LAMA1: variants seen among roughly 807,000 people sequenced by gnomAD.
The protein encoded by LAMA1 is laminin subunit alpha-1.
LAMA1 carries 219 observed loss-of-function variants against 348.7 expected under a neutral mutation model. That is an observed-to-expected ratio of 0.63 (90% confidence interval 0.56 to 0.70). The LOEUF (loss-of-function observed/expected upper bound fraction) is 0.70, where lower values mean the gene tolerates loss of function less well. LAMA1 is among the 30% of genes least tolerant of loss of function. The probability of loss-of-function intolerance (pLI) is 0.00; values close to 1 mark genes in which losing one functional copy is unlikely to be tolerated. For synonymous variants in LAMA1, 1,487 were observed against 1,491.0 expected (o/e 1.00, Z 0.06); for missense variants, 3,744 against 3,888.0 (o/e 0.96, Z 0.99).
chr18:7,023,510 C>T, intron 18 of LAMA1, 135 bp from the exon 19 acceptor site: 1 of 775,458 alleles, frequency 1.3e-6, no homozygotes, highest in Non-Finnish European at 2.2e-6. Flanking sequence ...AGGGATATGA[C>T]TCCCCACTCG....
chr18:6,963,566 A>G (rs946240772), intron 51 of LAMA1, among the ~76,000 whole-genome samples: 3 of 152,230 alleles, frequency 2.0e-5, no homozygotes, highest in African/African-American at 4.8e-5. Context: ...GCTGCTCATC[A>G]TAGCAACTGA....
rs1452953181 is a variant in LAMA1, at chr18:6,999,537, GTGCGGTCA to G, written c.4563_4570del (p.Asp1522IlefsTer17). On this transcript the variant is annotated frameshift_variant, in exon 32 of 63. Transcript: ENST00000389658. LOFTEE classifies it high-confidence loss of function. The stretch of plus-strand genomic sequence containing the variant: ...CAGCCTGCAAACGCACTGCCCAGAT[GTGCGGTCA>G]CAGTCACCGTGGACAGAGCCGTGCG... 1 of 1,614,006 alleles carries G rather than the reference GTGCGGTCA, an allele frequency of 6.2e-7. No individual in the cohort carries two copies. The highest frequency in any genetic ancestry group is 1.3e-5 in the African/African-American group (1 of 74,930).
chr18:6,993,691 TC>T lies in LAMA1; in HGVS notation c.4957del (p.Glu1653ArgfsTer7), dbSNP rs760549914. 1 of 1,614,132 alleles carries T rather than the reference TC, an allele frequency of 6.2e-7. No homozygotes were observed. The highest frequency in any genetic ancestry group is 1.7e-5 in the Admixed American group (1 of 60,026). Reference sequence around the variant, plus strand: ...AATGGCTATGGCCAGGTCTTGACTCTCCTTGAAGATTCTCTCAGTTGCCCTA... The same window carrying T: ...AATGGCTATGGCCAGGTCTTGACTCTCTTGAAGATTCTCTCAGTTGCCCTA... ...VNRATERIFK[E>X]SQDLAIAIER... On this transcript the variant is annotated frameshift_variant, in exon 35 of 63. Coordinates refer to ENST00000389658, the MANE Select transcript of LAMA1 (RefSeq NM_005559.4). LOFTEE classifies it high-confidence loss of function.
At chr18:7,085,596 T>G (rs1405513847) in intron 1 of LAMA1, among the ~76,000 whole-genome samples, 1 of 151,902 alleles carries the variant, frequency 6.6e-6, no homozygotes, top group African/African-American at 2.4e-5. Flanking sequence ...TTTTTTGTAT[T>G]TTTAGTAGAG....
rs187503342 is a variant in LAMA1, at chr18:6,979,831, G to A, written c.6007+690C>T. ...GGAGAATGGTGTGAACCCGGGGGGC[G>A]GAGCTTGCAGTGAGCCAAGATCGCG... On this transcript the variant is annotated intron_variant, in intron 42 of 62. Transcript: ENST00000389658. Among the ~76,000 whole-genome samples, 923 of 152,218 alleles carry A rather than the reference G, an allele frequency of 6.1e-3. 14 individuals are homozygous for A. Among genetic ancestry groups the A allele is most frequent in the African/African-American group, 0.019 (784 of 41,512 alleles).
Position 7,016,803 on chromosome 18 carries a change from C to T in LAMA1, c.2809-132G>A, listed in dbSNP as rs2057890534. 4 of 820,068 alleles carry T rather than the reference C, an allele frequency of 4.9e-6. No individual in the cohort carries two copies. In the South Asian group the frequency reaches 5.3e-5, roughly 11 times the overall value. The allele number at this position is 820,068 out of a possible 1,614,324, so 50.8% of individuals were successfully genotyped here. A position where few individuals can be genotyped will look rare whatever the true frequency, so the allele number is the denominator to read the frequency against. Reference sequence around the variant, plus strand: ...AAGTATTCATGACACCATCCCCATCCCTTTATAGCAAACATCCACTCTCTA... The same window carrying T: ...AAGTATTCATGACACCATCCCCATCTCTTTATAGCAAACATCCACTCTCTA... On this transcript the variant is annotated intron_variant, in intron 20 of 62. Transcript: ENST00000389658.
chr18:7,049,543 G>A (rs370795592), intron 4 of LAMA1, among the ~76,000 whole-genome samples: 5 of 152,066 alleles, frequency 3.3e-5, no homozygotes, highest in East Asian at 1.9e-4. Context: ...CAGGTGATCC[G>A]CCTGCCTTGC....
chr18:7,006,369 T>C (rs921374255), intron 29 of LAMA1, among the ~76,000 whole-genome samples: 1 of 150,184 alleles, frequency 6.7e-6, no homozygotes, highest in African/African-American at 2.5e-5. Context: ...CTAGAGAATA[T>C]GCATTTTTTT....
At chr18:7,024,579 T>C (rs2057933936) in intron 17 of LAMA1, 113 bp from the exon 18 acceptor site, 3 of 863,434 alleles carry the variant, frequency 3.5e-6, no homozygotes, top group Middle Eastern at 2.8e-4. Context: ...CAATGAGACC[T>C]CCTTAGCTCA....
intron 1 of LAMA1, among the ~76,000 whole-genome samples, chr18:7,098,281 A>G (rs2058271603): frequency 6.6e-6 from 1 of 152,022 alleles, no homozygotes; most frequent in South Asian, 2.1e-4. Flanking sequence ...CCCGTCTGGG[A>G]AGTGAGGAGT....
chr18:7,003,719 A>C (rs12965358), intron 29 of LAMA1, among the ~76,000 whole-genome samples: 13,324 of 152,066 alleles, frequency 0.088, 701 homozygotes, highest in African/African-American at 0.13. Context: ...AGTGAGGAAC[A>C]CCTGAGCAAA....
At chr18:7,113,140 T>G (rs16951262) in intron 1 of LAMA1, among the ~76,000 whole-genome samples, 16,108 of 152,136 alleles carry the variant, frequency 0.11, 1,065 homozygotes, top group East Asian at 0.32. Flanking sequence ...ACAATAGCAT[T>G]GAGCAGGGAA....
intron 61 of LAMA1, among the ~76,000 whole-genome samples, chr18:6,944,639 C>T (rs1365172998): frequency 3.3e-5 from 5 of 152,134 alleles, no homozygotes; most frequent in African/African-American, 1.2e-4. Flanking sequence ...CATGTGAGAA[C>T]ACAGGGAGAA....
intron 48 of LAMA1, among the ~76,000 whole-genome samples, chr18:6,967,724 A>T (rs984553062): frequency 1.3e-5 from 2 of 152,044 alleles, no homozygotes; most frequent in Admixed American, 6.5e-5. Flanking sequence ...AAGAAATCAC[A>T]AAGCCAGGTT....
chr18:6,991,523 T>C (rs2057758818), intron 36 of LAMA1, among the ~76,000 whole-genome samples: 2 of 151,892 alleles, frequency 1.3e-5, no homozygotes, highest in African/African-American at 4.8e-5. Flanking sequence ...CCCGAGTAGC[T>C]GAGATTACAG....
intron 48 of LAMA1, among the ~76,000 whole-genome samples, chr18:6,967,827 G>A (rs553883146): frequency 6.6e-6 from 1 of 152,088 alleles, no homozygotes; most frequent in Non-Finnish European, 1.5e-5. Context: ...AAACATGGGG[G>A]CTTTCTCCCT....
chr18:6,952,823 T>C (rs865872554), intron 57 of LAMA1, among the ~76,000 whole-genome samples: 3,163 of 124,666 alleles, frequency 0.025, 4 homozygotes, highest in African/African-American at 0.086. Flanking sequence ...CCGTGTCCAG[T>C]GGATCCACGC....
intron 28 of LAMA1, among the ~76,000 whole-genome samples, chr18:7,008,155 G>A (rs2057841890): frequency 6.6e-6 from 1 of 152,134 alleles, no homozygotes; most frequent in South Asian, 2.1e-4. Flanking sequence ...GGAGAATGGT[G>A]GTTTTGGGGC....
chr18:7,108,264 A>G (rs989098500), intron 1 of LAMA1, among the ~76,000 whole-genome samples: 3 of 152,094 alleles, frequency 2.0e-5, no homozygotes, highest in Non-Finnish European at 4.4e-5. Context: ...TGAACCTGGG[A>G]GGCAGAGGTT....
Sources: gnomAD v4.1 joint callset for allele counts (sites outside exome capture counted in the v4.1 genomes callset) on GRCh38, gnomAD v4.1.1 for gene constraint, MANE v1.5 for transcripts, NCBI Gene and HGNC (gene_info 2026-07-23, HGNC 2026-07-21) for gene names.